Variants in RAPGEF5 observed in about 807,000 individuals in gnomAD.
RAPGEF5 encodes the protein Rap guanine nucleotide exchange factor 5.
Under a neutral mutation model 125.2 loss-of-function variants are expected in RAPGEF5, and 65 were observed. That is an observed-to-expected ratio of 0.52 (90% confidence interval 0.43 to 0.64). RAPGEF5 has a LOEUF of 0.64. Among genes scored for constraint, RAPGEF5 ranks in the 30% least tolerant of loss-of-function variants. RAPGEF5 has a pLI of 0.00. For synonymous variants in RAPGEF5, 391 were observed against 385.9 expected (o/e 1.01, Z -0.16); for missense variants, 958 against 1,048.1 (o/e 0.91, Z 1.19).
At chr7:22,253,051 G>A (rs1583519537) in intron 7 of RAPGEF5, among the ~76,000 whole-genome samples, 1 of 152,112 alleles carries the variant, frequency 6.6e-6, no homozygotes, top group East Asian at 1.9e-4. Context: ...TACAAAATTT[G>A]TCAGCAAGCA....
intron 3 of RAPGEF5, 37 bp from the exon 4 acceptor site, chr7:22,310,127 C>A: frequency 6.8e-7 from 1 of 1,470,048 alleles, no homozygotes; most frequent in Non-Finnish European, 9.0e-7. Flanking sequence ...TAAGATATTG[C>A]TGACATCCGT....
intron 7 of RAPGEF5, among the ~76,000 whole-genome samples, chr7:22,243,407 C>G (rs1198192352): frequency 6.6e-6 from 1 of 152,100 alleles, no homozygotes; most frequent in African/African-American, 2.4e-5. Flanking sequence ...CAGGCACCCA[C>G]CATCATGCCC....
Position 22,121,611 on chromosome 7 carries a change from T to C in RAPGEF5, c.*795A>G, listed in dbSNP as rs1272178816. 2 of 152,200 alleles carry C rather than the reference T, an allele frequency of 1.3e-5. No individual in the cohort carries two copies. Among genetic ancestry groups the C allele is most frequent in the Middle Eastern group, 3.2e-3 (1 of 316 alleles). The allele number at this position is 152,200 out of a possible 1,614,324, so 9.4% of individuals were successfully genotyped here. On this transcript the variant is annotated 3_prime_UTR_variant, in exon 26 of 26. Coordinates refer to ENST00000665637, the MANE Select transcript of RAPGEF5 (RefSeq NM_012294.5). ...AAATCATATTATGTCCAATAAAAGA[T>C]AAGAGCCTGCTTAGAAGTATAAAGA...
chr7:22,311,237 C>G (rs1783463194), intron 3 of RAPGEF5, among the ~76,000 whole-genome samples: 1 of 152,066 alleles, frequency 6.6e-6, no homozygotes, highest in Non-Finnish European at 1.5e-5. Flanking sequence ...AGACTGGTCT[C>G]AAACTCCTGA....
At chr7:22,315,178 C>T (rs1199514132) in intron 3 of RAPGEF5, among the ~76,000 whole-genome samples, 192 bp downstream of exon 3, 1 of 152,172 alleles carries the variant, frequency 6.6e-6, no homozygotes, top group Non-Finnish European at 1.5e-5. Flanking sequence ...AACTTCAGAA[C>T]AGGAGTCAAA....
intron 11 of RAPGEF5, among the ~76,000 whole-genome samples, chr7:22,169,024 G>A (rs1784259291): frequency 6.6e-6 from 1 of 152,120 alleles, no homozygotes; most frequent in South Asian, 2.1e-4. Context: ...GTATCACACT[G>A]CAATATGTTA....
At chr7:22,328,255 T>A (rs1478066827) in intron 1 of RAPGEF5, among the ~76,000 whole-genome samples, 2 of 152,254 alleles carry the variant, frequency 1.3e-5, no homozygotes, top group Non-Finnish European at 2.9e-5. Context: ...ATCCTTCTCC[T>A]GGAAAATTCC....
intron 1 of RAPGEF5, chr7:22,356,066 T>G (rs933384473): frequency 4.1e-6 from 4 of 985,386 alleles, no homozygotes; most frequent in Non-Finnish European, 4.8e-6. Context: ...CTAGGTGGCT[T>G]CTTAAAGATC....
chr7:22,252,193 T>C (rs1045451979), intron 7 of RAPGEF5, among the ~76,000 whole-genome samples: 1 of 152,210 alleles, frequency 6.6e-6, no homozygotes, highest in Non-Finnish European at 1.5e-5. Flanking sequence ...CAAGAAGAAG[T>C]AGGACTCTGA....
chr7:22,188,569 A>C (rs370346299), intron 11 of RAPGEF5, among the ~76,000 whole-genome samples: 1 of 152,234 alleles, frequency 6.6e-6, no homozygotes, highest in African/African-American at 2.4e-5. Flanking sequence ...GATTGAGACC[A>C]TCCTGGCCAA....
chr7:22,306,089 T>C (rs1246886374), intron 5 of RAPGEF5, among the ~76,000 whole-genome samples: 2 of 152,226 alleles, frequency 1.3e-5, no homozygotes, highest in East Asian at 1.9e-4. Context: ...CTGGATACTA[T>C]GGTTGCTCAA....
intron 6 of RAPGEF5, among the ~76,000 whole-genome samples, chr7:22,287,820 A>G (rs1782832455): frequency 6.6e-6 from 1 of 152,246 alleles, no homozygotes; most frequent in African/African-American, 2.4e-5. Context: ...TCTAGAATGA[A>G]CAATGGAATT....
intron 1 of RAPGEF5, 83 bp from the exon 2 acceptor site, chr7:22,318,120 A>T: frequency 7.5e-7 from 1 of 1,335,298 alleles, no homozygotes; most frequent in Non-Finnish European, 1.0e-6. Context: ...AACAGTGGCC[A>T]GGGCAGGCCT....
chr7:22,175,722 G>A (rs1784483639), intron 11 of RAPGEF5, among the ~76,000 whole-genome samples: 1 of 151,992 alleles, frequency 6.6e-6, no homozygotes, highest in African/African-American at 2.4e-5. Flanking sequence ...TTAACTTTCA[G>A]GAAACAAAGA....
chr7:22,176,002 G>A (rs1357341425), intron 11 of RAPGEF5, among the ~76,000 whole-genome samples: 2 of 151,808 alleles, frequency 1.3e-5, no homozygotes, highest in East Asian at 1.9e-4. Flanking sequence ...TAATAAAGAC[G>A]TACCAGAGAC....
intron 9 of RAPGEF5, among the ~76,000 whole-genome samples, chr7:22,197,241 A>G (rs1040008830): frequency 6.6e-5 from 10 of 152,366 alleles, no homozygotes; most frequent in South Asian, 6.2e-4. Flanking sequence ...AGAAGACTAC[A>G]TCTTGGAAAT....
chr7:22,154,704 C>T (rs1035681810), intron 16 of RAPGEF5, 100 bp from the exon 17 acceptor site: 11 of 1,334,872 alleles, frequency 8.2e-6, no homozygotes, highest in Non-Finnish European at 1.0e-5. Flanking sequence ...CTAAATCAAC[C>T]CACCTGGCTA....
intron 8 of RAPGEF5, among the ~76,000 whole-genome samples, chr7:22,221,951 A>G (rs1351477725): frequency 6.6e-6 from 1 of 152,194 alleles, no homozygotes; most frequent in East Asian, 1.9e-4. Flanking sequence ...GAACATAAAA[A>G]AAAACAAAGT....
chr7:22,140,000 C>T, intron 21 of RAPGEF5, 25 bp downstream of exon 21: 1 of 1,529,498 alleles, frequency 6.5e-7, no homozygotes, highest in East Asian at 2.4e-5. Context: ...TTATGTGCCC[C>T]TCACCATGGG....
Sources: allele counts gnomAD v4.1 joint callset (sites outside exome capture counted in the v4.1 genomes callset), GRCh38; gene constraint gnomAD v4.1.1; transcripts MANE v1.5; gene names NCBI Gene and HGNC (gene_info 2026-07-23, HGNC 2026-07-21).